The following IDO1 variants were observed in gnomAD, a reference collection of about 807,000 sequenced individuals.
IDO1 encodes indolamine 2,3 dioxygenase.
In IDO1, 35 loss-of-function variants were observed where a neutral mutation model predicts 38.8. That is an observed-to-expected ratio of 0.90 (90% CI 0.69 to 1.20). IDO1 has a LOEUF of 1.20. Among genes scored for constraint, IDO1 ranks in the 50% most tolerant of loss-of-function variants. The pLI is 0.00. For missense variants in IDO1, 509 were observed against 485.1 expected, an observed-to-expected ratio of 1.05 and a Z score of -0.46; for synonymous variants, 171 against 170.0, an observed-to-expected ratio of 1.01 and a Z score of -0.05.
chr8:39,923,527 CGCTGTTGGA>C lies in IDO1; in HGVS notation c.597_605del (p.Leu200_Glu202del), dbSNP rs553639551. 2.0e-4 allele frequency: 321 copies of C among 1,613,570 alleles called. No homozygotes were observed. The African/African-American group carries it at 3.8e-3, about 19-fold the overall frequency. On this transcript the variant is annotated inframe_deletion, in exon 7 of 10. Transcript: ENST00000518237. ...CAAGAACGGGACACTTTGCTAAAGGCGCTGTTGGAAATAGCTTCTTGCTTGGAGAAAGCC... is the reference window on the plus strand; with the variant it reads ...CAAGAACGGGACACTTTGCTAAAGGCAATAGCTTCTTGCTTGGAGAAAGCC...
At chr8:39,927,473 T>C (rs546124474) in intron 9 of IDO1, among the ~76,000 whole-genome samples, 29 of 151,658 alleles carry the variant, frequency 1.9e-4, no homozygotes, top group Non-Finnish European at 4.1e-4. Context: ...GGCAGGAGAA[T>C]TGCTTGAGCC....
intron 4 of IDO1, among the ~76,000 whole-genome samples, chr8:39,919,895 T>A (rs1390904393): frequency 6.6e-6 from 1 of 152,236 alleles, no homozygotes; most frequent in Non-Finnish European, 1.5e-5. Flanking sequence ...TCCTTGCATA[T>A]TTAATTATTT....
At chr8:39,920,068 T>C (rs781013377) in intron 4 of IDO1, 32 bp from the exon 5 acceptor site, 64 of 1,603,336 alleles carry the variant, frequency 4.0e-5, no homozygotes, top group Admixed American at 2.5e-4. Flanking sequence ...TCTCTTCCAA[T>C]TGGTCCATTG....
chr8:39,924,711 C>T lies in IDO1; in HGVS notation c.656-10C>T. 1 of 1,589,756 alleles carries T rather than the reference C, an allele frequency of 6.3e-7. No homozygotes were observed. The highest frequency in any genetic ancestry group is 8.6e-7 in the Non-Finnish European group (1 of 1,158,760). On this transcript the variant is annotated splice_polypyrimidine_tract_variant and intron_variant, in intron 7 of 9. Transcript: ENST00000518237. ...TGCTGCTTAATTAAACATATTCCAT[C>T]TTTTTACAGATCATGTGAACCCAAA...
rs1267790438 is a variant in IDO1, at chr8:39,928,041, TCC to T, written c.1069_1070del (p.Pro357CysfsTer9). On this transcript the variant is annotated frameshift_variant, in exon 10 of 10. Coordinates refer to ENST00000518237, the MANE Select transcript of IDO1 (RefSeq NM_002164.6). LOFTEE classifies it low-confidence loss of function (END_TRUNC). ...AAATCGTGACTAAGTACATCCTGAT[TCC>T]TGCAAGCCAGCAGCCAAAGGAGAAT... ...LQIVTKYILIPASQQPKENKT... is the reference protein window; with the variant it reads ...LQIVTKYILIXASQQPKENKT... The T allele has an allele frequency of 6.2e-7, 1 of 1,609,278 alleles. No homozygotes were observed. Among genetic ancestry groups the T allele is most frequent in the African/African-American group, 1.3e-5 (1 of 75,006 alleles).
chr8:39,915,895 G>A (rs1407588816), intron 1 of IDO1, among the ~76,000 whole-genome samples: 1 of 152,206 alleles, frequency 6.6e-6, no homozygotes, highest in African/African-American at 2.4e-5. Flanking sequence ...CTGGGGACGG[G>A]TGGCTCACGC....
At chr8:39,923,184 A>C (rs1265002129) in intron 6 of IDO1, among the ~76,000 whole-genome samples, 1 of 152,144 alleles carries the variant, frequency 6.6e-6, no homozygotes, top group Non-Finnish European at 1.5e-5. Context: ...TGGGCGGATC[A>C]CTTGAAGTCA....
intron 7 of IDO1, among the ~76,000 whole-genome samples, chr8:39,924,265 G>A (rs1807324004): frequency 6.6e-6 from 1 of 152,058 alleles, no homozygotes; most frequent in Non-Finnish European, 1.5e-5. Context: ...TACTTGGGAG[G>A]CTGAGGTGGG....
intron 9 of IDO1, among the ~76,000 whole-genome samples, chr8:39,927,494 A>G (rs963900375): frequency 4.0e-5 from 6 of 149,618 alleles, no homozygotes; most frequent in African/African-American, 1.5e-4. Context: ...CGGGAGGCAC[A>G]GGTTGCGGCG....
At chr8:39,915,674 G>A (rs1807164049) in intron 1 of IDO1, 1 of 152,190 alleles carries the variant, frequency 6.6e-6, no homozygotes, top group Non-Finnish European at 1.5e-5. Context: ...TTTCAAGGAT[G>A]TACTTATCAA....
intron 1 of IDO1, 86 bp downstream of exon 1, chr8:39,914,095 G>A: frequency 1.1e-6 from 1 of 910,116 alleles, no homozygotes. Context: ...AACAACTGTG[G>A]TTCAGTAACT....
In IDO1 at chr8:39,922,602, T is replaced by C. The variant is rs764150078; in HGVS notation, c.488T>C (p.Phe163Ser). The C allele has an allele frequency of 1.4e-5, 22 of 1,613,680 alleles. No individual in the cohort carries two copies. In the South Asian group the frequency reaches 2.3e-4, roughly 17 times the overall value. Residue 163 changes from phenylalanine to serine, a missense_variant, in exon 6 of 10, where the codon TTC becomes TCC. Transcript: ENST00000518237. Reference sequence around the variant, plus strand: ...CGTGATGGAGACTGCAGTAAAGGATTCTTCCTGGTCTCTCTATTGGTGGAA... The same window carrying C: ...CGTGATGGAGACTGCAGTAAAGGATCCTTCCTGGTCTCTCTATTGGTGGAA... ...SFRDGDCSKG[F>S]FLVSLLVEIA...
intron 3 of IDO1, 58 bp from the exon 4 acceptor site, chr8:39,918,757 A>AAC: frequency 1.5e-6 from 1 of 661,298 alleles, no homozygotes; most frequent in Non-Finnish European, 2.5e-6. Context: ...AAAAAAAAAA[A>AAC]AAAAAAAAAA....
intron 3 of IDO1, 154 bp downstream of exon 3, chr8:39,918,361 C>G: frequency 1.5e-6 from 1 of 653,650 alleles, no homozygotes; most frequent in East Asian, 2.7e-5. Context: ...CCTGGCTTGA[C>G]ATGTCCACTG....
intron 1 of IDO1, among the ~76,000 whole-genome samples, chr8:39,914,965 C>G (rs1481949052): frequency 6.6e-6 from 1 of 152,158 alleles, no homozygotes; most frequent in Non-Finnish European, 1.5e-5. Flanking sequence ...CGGGGTTTCA[C>G]CATGTTGGCC....
At chr8:39,918,990 C>A in intron 4 of IDO1, 57 bp downstream of exon 4, 3 of 1,053,170 alleles carry the variant, frequency 2.8e-6, no homozygotes, top group Non-Finnish European at 4.5e-6. Flanking sequence ...TTAAATAAAA[C>A]AGGGGTTGTT....
intron 4 of IDO1, 77 bp from the exon 5 acceptor site, chr8:39,920,023 C>T (rs1807248515): frequency 8.1e-7 from 1 of 1,230,280 alleles, no homozygotes; most frequent in Admixed American, 1.7e-5. Context: ...ATAGCAACAA[C>T]TCATCATTAT....
At chr8:39,920,941 G>A (rs544369571) in intron 5 of IDO1, 4 of 152,202 alleles carry the variant, frequency 2.6e-5, no homozygotes, top group African/African-American at 9.7e-5. Flanking sequence ...TGTAAATTGC[G>A]ATATGATAAA....
At chr8:39,917,117 T>C (rs1379577538) in intron 1 of IDO1, among the ~76,000 whole-genome samples, 5 of 152,196 alleles carry the variant, frequency 3.3e-5, no homozygotes, top group African/African-American at 1.2e-4. Flanking sequence ...ATATATGAAA[T>C]TATCGAGCAG....
Sources: allele counts gnomAD v4.1 joint callset (sites outside exome capture counted in the v4.1 genomes callset), GRCh38; gene constraint gnomAD v4.1.1; transcripts MANE v1.5; gene names NCBI Gene and HGNC (gene_info 2026-07-23, HGNC 2026-07-21).